PFKFB3: variants seen among roughly 807,000 people sequenced by gnomAD.
PFKFB3 encodes the protein 6-phosphofructo-2-kinase/fructose-2,6-bisphosphatase 3.
PFKFB3 carries 33 observed loss-of-function variants against 68.0 expected under a neutral mutation model. The ratio of observed to expected loss-of-function variants is 0.49; its 90% CI spans 0.37 to 0.65. PFKFB3 has a LOEUF of 0.65. Ranked by LOEUF, PFKFB3 falls within the 30% of genes least tolerant of loss-of-function variation. PFKFB3 has a pLI of 0.00. For synonymous variants in PFKFB3, 315 were observed against 288.2 expected (o/e 1.09, Z -0.94); for missense variants, 586 against 712.2 (o/e 0.82, Z 2.02).
the PFKFB3 span, among the ~76,000 whole-genome samples, chr10:6,299,753 C>A: frequency 2.6e-5 from 4 of 152,204 alleles, no homozygotes; most frequent in Admixed American, 2.6e-4. Context: ...TAACTTCTAC[C>A]CTTCCTTCAA....
chr10:6,145,231 T>C (rs1202663465), intron 1 of PFKFB3, among the ~76,000 whole-genome samples: 3 of 150,932 alleles, frequency 2.0e-5, no homozygotes, highest in Admixed American at 1.3e-4. Flanking sequence ...CCGCACTGTC[T>C]CCTCCGGTCC....
At chr10:6,167,504 CA>C (rs1264411183) in intron 1 of PFKFB3, among the ~76,000 whole-genome samples, 1 of 152,214 alleles carries the variant, frequency 6.6e-6, no homozygotes, top group African/African-American at 2.4e-5. Context: ...CACATTTTAA[CA>C]CATTTTAAGC....
intron 14 of PFKFB3, 193 bp downstream of exon 14, chr10:6,226,558 A>G: frequency 1.7e-6 from 1 of 574,016 alleles, no homozygotes. Context: ...GAGGGAGAAC[A>G]TAGGAAGCAC....
intron 14 of PFKFB3, among the ~76,000 whole-genome samples, chr10:6,230,300 C>T (rs1488676167): frequency 6.6e-6 from 1 of 152,070 alleles, no homozygotes; most frequent in Admixed American, 6.5e-5. Context: ...TCTAGGAGTC[C>T]ACCTGGGCTC....
chr10:6,194,922 G>T (rs1843135904), intron 1 of PFKFB3, among the ~76,000 whole-genome samples: 1 of 151,492 alleles, frequency 6.6e-6, no homozygotes, highest in Non-Finnish European at 1.5e-5. Flanking sequence ...ACCCAGGCTG[G>T]AATGCAGTGG....
chr10:6,239,818 T>C (rs11257496), downstream of PFKFB3, among the ~76,000 whole-genome samples: 53,288 of 151,942 alleles, frequency 0.35, 10,384 homozygotes, highest in Admixed American at 0.42. Flanking sequence ...AGACTTCAGG[T>C]GTGCGCCACC....
chr10:6,262,357 G>A, the PFKFB3 span, among the ~76,000 whole-genome samples: 2 of 89,476 alleles, frequency 2.2e-5, no homozygotes, highest in Non-Finnish European at 5.1e-5. Context: ...CAGAGGCTGA[G>A]GCAGGAGAAT....
chr10:6,203,382 G>A, intron 1 of PFKFB3, 46 bp downstream of exon 1: 2 of 1,498,454 alleles, frequency 1.3e-6, no homozygotes, highest in Non-Finnish European at 1.8e-6. Flanking sequence ...GGCTGCGCCG[G>A]GCCGGGCCAT....
the PFKFB3 span, among the ~76,000 whole-genome samples, chr10:6,272,238 C>T: frequency 1.3e-5 from 2 of 152,252 alleles, no homozygotes. Flanking sequence ...AATGTCCCTT[C>T]TGTCCCTTAG....
chr10:6,216,496 C>A (rs1384318047), intron 4 of PFKFB3, among the ~76,000 whole-genome samples: 1 of 152,184 alleles, frequency 6.6e-6, no homozygotes, highest in Non-Finnish European at 1.5e-5. Flanking sequence ...GTATTTCCCC[C>A]ACGCTACCAC....
chr10:6,152,483 C>A (rs1841624690), intron 1 of PFKFB3, among the ~76,000 whole-genome samples: 4 of 152,160 alleles, frequency 2.6e-5, no homozygotes, highest in Admixed American at 2.6e-4. Flanking sequence ...TAGCCACCTG[C>A]AAGGGCTAAA....
At chr10:6,279,949 A>T in the PFKFB3 span, among the ~76,000 whole-genome samples, 52,262 of 151,974 alleles carry the variant, frequency 0.34, 9,536 homozygotes, top group East Asian at 0.69. Flanking sequence ...TGGAAGACTC[A>T]GAGCTTTGCA....
the PFKFB3 span, among the ~76,000 whole-genome samples, chr10:6,321,775 C>G: frequency 6.6e-6 from 1 of 152,194 alleles, no homozygotes; most frequent in Non-Finnish European, 1.5e-5. Flanking sequence ...CAATGAATTG[C>G]AAACCTGACT....
At chr10:6,313,008 G>A in the PFKFB3 span, among the ~76,000 whole-genome samples, 7 of 152,204 alleles carry the variant, frequency 4.6e-5, no homozygotes, top group African/African-American at 1.4e-4. The surrounding 1 kb of genome is among the most constrained non-coding windows in gnomAD (Gnocchi z 4.2). Flanking sequence ...AATTTAAACT[G>A]GTGAAACTGT....
Position 6,188,496 on chromosome 10 carries a change from ATG to A in PFKFB3, c.17-25122_17-25121del, listed in dbSNP as rs1370210002. ...TTCAAAAGTTTAAAATGCGATAAAAATGTGTGACACAAAATCTACCATCTTAA... is the reference window on the plus strand; with the variant it reads ...TTCAAAAGTTTAAAATGCGATAAAAATGTGACACAAAATCTACCATCTTAA... On this transcript the variant is annotated intron_variant, in intron 1 of 14. Transcript: ENST00000379789. Among the ~76,000 whole-genome samples, 10 of 152,008 alleles carry A rather than the reference ATG, an allele frequency of 6.6e-5. No individual in the cohort carries two copies. In the South Asian group the frequency reaches 2.1e-3, roughly 32 times the overall value.
chr10:6,175,063 G>A (rs1284192941), intron 1 of PFKFB3, among the ~76,000 whole-genome samples: 3 of 152,106 alleles, frequency 2.0e-5, no homozygotes, highest in East Asian at 1.9e-4. Context: ...TGTTCCGTGC[G>A]TCTGCCTCCC....
the PFKFB3 span, among the ~76,000 whole-genome samples, chr10:6,281,847 G>C: frequency 6.6e-6 from 1 of 152,026 alleles, no homozygotes. Context: ...AAGATCGATT[G>C]AATCTCTAAG....
chr10:6,278,881 G>A, the PFKFB3 span, among the ~76,000 whole-genome samples: 81 of 152,310 alleles, frequency 5.3e-4, 1 homozygote, highest in East Asian at 7.9e-3. Flanking sequence ...AGACAGACTC[G>A]AATGCTAGGC....
chr10:6,254,915 T>A (rs1372144337), downstream of PFKFB3, among the ~76,000 whole-genome samples: 1 of 148,354 alleles, frequency 6.7e-6, no homozygotes, highest in Non-Finnish European at 1.5e-5. Context: ...ACTCCTGGGT[T>A]CCAGTGGTTC....
Sources: gnomAD v4.1 joint callset for allele counts (sites outside exome capture counted in the v4.1 genomes callset) on GRCh38, gnomAD v4.1.1 for gene constraint, Gnocchi (gnomAD v3.1) non-coding constraint, MANE v1.5 for transcripts, NCBI Gene and HGNC (gene_info 2026-07-23, HGNC 2026-07-21) for gene names.